NRXN1: variants seen among roughly 807,000 people sequenced by gnomAD.
The protein encoded by NRXN1 is neurexin 1, also known as neurexin-1.
NRXN1 carries 39 observed loss-of-function variants against 150.9 expected under a neutral mutation model. The ratio of observed to expected loss-of-function variants is 0.26; its 90% CI spans 0.20 to 0.34. NRXN1 has a LOEUF of 0.34. Among genes scored for constraint, NRXN1 ranks in the 10% least tolerant of loss-of-function variants. The probability of loss-of-function intolerance (pLI) is 1.00; values close to 1 mark genes in which losing one functional copy is unlikely to be tolerated. For missense variants in NRXN1, 1,815 were observed against 1,949.9 expected, an observed-to-expected ratio of 0.93 and a Z score of 1.30; for synonymous variants, 924 against 757.0, an observed-to-expected ratio of 1.22 and a Z score of -3.62.
chr2:50,520,394 T>C (rs1163765708), intron 12 of NRXN1, among the ~76,000 whole-genome samples: 1 of 151,908 alleles, frequency 6.6e-6, no homozygotes, highest in African/African-American at 2.4e-5. Flanking sequence ...TATTTTACTT[T>C]TACCCACTTT....
intron 15 of NRXN1, among the ~76,000 whole-genome samples, chr2:50,492,131 C>A (rs2091288066): frequency 6.6e-6 from 1 of 152,174 alleles, no homozygotes; most frequent in Non-Finnish European, 1.5e-5. Flanking sequence ...CTAAAGAAGG[C>A]AGGGCTCAGA....
At chr2:50,193,339 C>T (rs1019938359) in intron 18 of NRXN1, among the ~76,000 whole-genome samples, 1 of 152,170 alleles carries the variant, frequency 6.6e-6, no homozygotes, top group Non-Finnish European at 1.5e-5. Flanking sequence ...TTAGAGCCTA[C>T]GAGTGTTCTG....
chr2:50,742,296 C>T (rs1193534019), intron 5 of NRXN1, among the ~76,000 whole-genome samples: 3 of 149,922 alleles, frequency 2.0e-5, no homozygotes, highest in Non-Finnish European at 4.4e-5. Flanking sequence ...TCTTTTCTGC[C>T]CTTAAATTGC....
intron 21 of NRXN1, among the ~76,000 whole-genome samples, chr2:50,043,838 T>A (rs1691391352): frequency 6.6e-6 from 1 of 152,136 alleles, no homozygotes; most frequent in Admixed American, 6.5e-5. Context: ...AATCTATAGT[T>A]GAATATATTT....
chr2:50,751,418 A>T (rs1700581455), intron 5 of NRXN1, among the ~76,000 whole-genome samples: 1 of 152,006 alleles, frequency 6.6e-6, no homozygotes, highest in South Asian at 2.1e-4. Flanking sequence ...CTATACAAAC[A>T]CTGGGGAAAA....
At chr2:50,898,422 A>C (rs1014688) in intron 5 of NRXN1, among the ~76,000 whole-genome samples, 5,219 of 152,252 alleles carry the variant, frequency 0.034, 166 homozygotes, top group East Asian at 0.079. Flanking sequence ...TGGCATGTCT[A>C]ACATGTCTAA....
chr2:50,928,877 T>A (rs1687316180), intron 2 of NRXN1, among the ~76,000 whole-genome samples: 2 of 152,086 alleles, frequency 1.3e-5, no homozygotes, highest in Non-Finnish European at 1.5e-5. Flanking sequence ...TCTTAATCAT[T>A]AACTTTACTA....
rs557960781 is a variant in NRXN1, at chr2:50,962,955, A to C, written c.773-37000T>G. On this transcript the variant is annotated intron_variant, in intron 2 of 22. Transcript: ENST00000401669. ...CATCAGAATTGTGCAAAAATGGCTTAGTCCTGTTGTCTAGGGATTAAGGAA... is the reference window on the plus strand; with the variant it reads ...CATCAGAATTGTGCAAAAATGGCTTCGTCCTGTTGTCTAGGGATTAAGGAA... Among the ~76,000 whole-genome samples, 4 of 151,768 alleles carry C rather than the reference A, an allele frequency of 2.6e-5. 1 individual carries two copies. Among genetic ancestry groups the C allele is most frequent in the African/African-American group, 9.6e-5 (4 of 41,520 alleles).
At chr2:50,307,445 G>A (rs970505468) in intron 17 of NRXN1, among the ~76,000 whole-genome samples, 3 of 152,166 alleles carry the variant, frequency 2.0e-5, no homozygotes, top group Non-Finnish European at 4.4e-5. Flanking sequence ...GTCACTAAGT[G>A]GGAAGGCTCC....
At chr2:49,988,619 T>TAAAAAA (rs3046623) in intron 21 of NRXN1, among the ~76,000 whole-genome samples, 1 of 128,000 alleles carries the variant, frequency 7.8e-6, no homozygotes. Flanking sequence ...AGTTAACTAT[T>TAAAAAA]AAAAAAAAAA....
At chr2:50,448,090 T>C (rs540757644) in intron 17 of NRXN1, among the ~76,000 whole-genome samples, 1 of 152,176 alleles carries the variant, frequency 6.6e-6, no homozygotes, top group East Asian at 1.9e-4. Context: ...TCCGTGCTAT[T>C]AAGCTACTTT....
intron 5 of NRXN1, among the ~76,000 whole-genome samples, chr2:50,855,704 T>C (rs1341325077): frequency 6.6e-6 from 1 of 152,016 alleles, no homozygotes; most frequent in Non-Finnish European, 1.5e-5. Context: ...TTTAAACAAA[T>C]ATCCAAAATA....
chr2:50,669,643 AG>A (rs1688555625), intron 5 of NRXN1, among the ~76,000 whole-genome samples: 1 of 151,700 alleles, frequency 6.6e-6, no homozygotes, highest in Non-Finnish European at 1.5e-5. Context: ...GATTTTTAAA[AG>A]GTCCTTTTTA....
intron 5 of NRXN1, among the ~76,000 whole-genome samples, chr2:50,643,512 A>G (rs529882848): frequency 6.6e-6 from 1 of 152,066 alleles, no homozygotes; most frequent in South Asian, 2.1e-4. Context: ...TCCAAAATTT[A>G]TAAAGACTTT....
intron 19 of NRXN1, among the ~76,000 whole-genome samples, chr2:50,073,020 T>G (rs1696535041): frequency 6.6e-6 from 1 of 152,194 alleles, no homozygotes; most frequent in Non-Finnish European, 1.5e-5. Context: ...GTGGACAAAC[T>G]TTGTCTATGC....
intron 17 of NRXN1, among the ~76,000 whole-genome samples, chr2:50,403,595 G>A (rs2082541135): frequency 6.6e-6 from 1 of 151,958 alleles, no homozygotes; most frequent in African/African-American, 2.4e-5. Context: ...GAAAAACTAT[G>A]GCTAAGGATA....
intron 18 of NRXN1, among the ~76,000 whole-genome samples, chr2:50,200,592 C>T (rs2062090551): frequency 1.3e-5 from 2 of 152,090 alleles, no homozygotes; most frequent in Admixed American, 1.3e-4. Context: ...ATTGGTGTAA[C>T]CCTTCTAAAA....
chr2:50,229,329 TTG>T (rs1012272571), intron 18 of NRXN1, among the ~76,000 whole-genome samples: 31 of 125,532 alleles, frequency 2.5e-4, no homozygotes, highest in Admixed American at 6.7e-4. Context: ...GCATTTTTTT[TTG>T]TGTGTGTGTG....
intron 21 of NRXN1, among the ~76,000 whole-genome samples, chr2:49,976,765 A>G (rs1679068934): frequency 6.6e-6 from 1 of 152,232 alleles, no homozygotes; most frequent in Admixed American, 6.5e-5. Flanking sequence ...ATGGATTAAG[A>G]GCTTTACAAT....
Sources: allele counts gnomAD v4.1 joint callset (sites outside exome capture counted in the v4.1 genomes callset), GRCh38; gene constraint gnomAD v4.1.1; transcripts MANE v1.5; gene names NCBI Gene and HGNC (gene_info 2026-07-23, HGNC 2026-07-21).